Variants in ROBO1 observed in about 807,000 individuals in gnomAD.
The protein encoded by ROBO1 is roundabout homolog 1.
Under a neutral mutation model 195.9 loss-of-function variants are expected in ROBO1, and 149 were observed. The observed-to-expected ratio is 0.76, with a 90% CI of 0.67 to 0.87. ROBO1 has a LOEUF of 0.87. Among genes scored for constraint, ROBO1 ranks in the 40% least tolerant of loss-of-function variants. ROBO1 has a pLI of 0.00. For synonymous variants in ROBO1, 816 were observed against 733.2 expected, an observed-to-expected ratio of 1.11 and a Z score of -1.82; for missense variants, 1,933 against 2,068.3, an observed-to-expected ratio of 0.93 and a Z score of 1.27.
At chr3:78,624,792 G>A (rs1313472290) in intron 26 of ROBO1, among the ~76,000 whole-genome samples, 1 of 151,980 alleles carries the variant, frequency 6.6e-6, no homozygotes, top group African/African-American at 2.4e-5. Context: ...CTCTTATGAA[G>A]AGTAAAGAAG....
chr3:79,255,344 G>C (rs1370108303), intron 2 of ROBO1, among the ~76,000 whole-genome samples: 3 of 152,038 alleles, frequency 2.0e-5, no homozygotes, highest in Admixed American at 2.0e-4. Context: ...AACAGAGCAA[G>C]GCTATCTCTA....
chr3:79,644,124 C>A (rs1945747775), intron 1 of ROBO1, among the ~76,000 whole-genome samples: 1 of 152,090 alleles, frequency 6.6e-6, no homozygotes, highest in African/African-American at 2.4e-5. Context: ...GTAACTATAT[C>A]ATGATAAACA....
chr3:79,597,984 C>T (rs1944230229), intron 1 of ROBO1, among the ~76,000 whole-genome samples: 1 of 151,958 alleles, frequency 6.6e-6, no homozygotes, highest in Non-Finnish European at 1.5e-5. Context: ...AGATCATGGG[C>T]CTTATTTCCA....
At chr3:79,183,531 A>G (rs774612040) in intron 2 of ROBO1, among the ~76,000 whole-genome samples, 21 of 152,248 alleles carry the variant, frequency 1.4e-4, no homozygotes, top group Non-Finnish European at 2.8e-4. Flanking sequence ...CACATGGGTA[A>G]GGAAACAAGA....
intron 3 of ROBO1, among the ~76,000 whole-genome samples, chr3:78,970,525 A>G (rs1483462930): frequency 6.6e-6 from 1 of 152,180 alleles, no homozygotes; most frequent in Non-Finnish European, 1.5e-5. Flanking sequence ...TAAAATCATA[A>G]TTGTTGTTTA....
At chr3:78,703,077 T>C (rs1323701833) in intron 8 of ROBO1, among the ~76,000 whole-genome samples, 1 of 152,196 alleles carries the variant, frequency 6.6e-6, no homozygotes, top group East Asian at 1.9e-4. Context: ...CAAATCTTTT[T>C]TCGTCGATGA....
intron 2 of ROBO1, among the ~76,000 whole-genome samples, chr3:79,426,117 A>C (rs2038436518): frequency 6.6e-6 from 1 of 152,162 alleles, no homozygotes; most frequent in South Asian, 2.1e-4. Context: ...CACGTGTGTT[A>C]CATAAGCACA....
chr3:78,995,772 A>G (rs545367902), intron 3 of ROBO1, among the ~76,000 whole-genome samples: 1 of 151,764 alleles, frequency 6.6e-6, no homozygotes, highest in African/African-American at 2.4e-5. Flanking sequence ...TCTCCAAAAA[A>G]AAAAAAAGAA....
At chr3:79,645,378 T>C (rs1945789117) in intron 1 of ROBO1, among the ~76,000 whole-genome samples, 1 of 152,054 alleles carries the variant, frequency 6.6e-6, no homozygotes, top group African/African-American at 2.4e-5. Context: ...GATGCACACC[T>C]GTAGTCCAAG....
chr3:78,787,390 T>C (rs1375017309), intron 4 of ROBO1, among the ~76,000 whole-genome samples: 1 of 152,240 alleles, frequency 6.6e-6, no homozygotes, highest in Non-Finnish European at 1.5e-5. Flanking sequence ...ATACTGTTTA[T>C]GTTTTTGAAG....
intron 5 of ROBO1, among the ~76,000 whole-genome samples, chr3:78,741,437 T>C (rs1431439861): frequency 6.6e-6 from 1 of 152,272 alleles, no homozygotes; most frequent in African/African-American, 2.4e-5. Flanking sequence ...ACTAGGAAAA[T>C]ATTTGTGATG....
At chr3:79,071,741 C>T (rs1291579353) in intron 3 of ROBO1, among the ~76,000 whole-genome samples, 9 of 23,998 alleles carry the variant, frequency 3.8e-4, no homozygotes, top group African/African-American at 1.2e-3. Flanking sequence ...CACACACACG[C>T]ACACACACAC....
chr3:79,409,460 T>A (rs1336686946), intron 2 of ROBO1, among the ~76,000 whole-genome samples: 1 of 152,176 alleles, frequency 6.6e-6, no homozygotes, highest in East Asian at 1.9e-4. Flanking sequence ...TGAAGATCTC[T>A]CCAAATATAT....
chr3:79,315,177 C>T (rs1242494069), intron 2 of ROBO1, among the ~76,000 whole-genome samples: 1 of 152,136 alleles, frequency 6.6e-6, no homozygotes, highest in East Asian at 1.9e-4. Context: ...TGCAGTGACT[C>T]ATACCTGTAA....
chr3:78,780,680 T>C (rs1472549693), intron 4 of ROBO1, among the ~76,000 whole-genome samples: 4 of 152,148 alleles, frequency 2.6e-5, no homozygotes, highest in Non-Finnish European at 5.9e-5. Context: ...TTTTCAGGCT[T>C]TGTATGAGTT....
At chr3:78,677,856 A>T (rs1449713504) in intron 10 of ROBO1, among the ~76,000 whole-genome samples, 1 of 151,926 alleles carries the variant, frequency 6.6e-6, no homozygotes, top group Admixed American at 6.6e-5. Flanking sequence ...TCCACCCCAA[A>T]TCAACAGAAT....
chr3:79,308,516 C>T (rs768997491), intron 2 of ROBO1, among the ~76,000 whole-genome samples: 3 of 152,022 alleles, frequency 2.0e-5, no homozygotes, highest in Non-Finnish European at 2.9e-5. Flanking sequence ...GTGCTTAGTA[C>T]TATGCGAATT....
At chr3:79,227,925 G>A (rs1034808547) in intron 2 of ROBO1, among the ~76,000 whole-genome samples, 1 of 152,132 alleles carries the variant, frequency 6.6e-6, no homozygotes, top group African/African-American at 2.4e-5. Context: ...AACCGGAAAT[G>A]TCATGTTCAA....
intron 2 of ROBO1, among the ~76,000 whole-genome samples, chr3:79,127,971 C>T (rs1451748389): frequency 2.0e-5 from 3 of 152,146 alleles, no homozygotes; most frequent in Admixed American, 1.3e-4. Context: ...ACAAAAGGTG[C>T]TATTTTTAGC....
Sources: allele counts gnomAD v4.1 joint callset (sites outside exome capture counted in the v4.1 genomes callset), GRCh38; gene constraint gnomAD v4.1.1; transcripts MANE v1.5; gene names NCBI Gene and HGNC (gene_info 2026-07-23, HGNC 2026-07-21).